Variants in GRXCR1 observed in about 807,000 individuals in gnomAD.
The protein encoded by GRXCR1 is glutaredoxin and cysteine rich domain containing 1.
Under a neutral mutation model 27.3 loss-of-function variants are expected in GRXCR1, and 27 were observed. The ratio of observed to expected loss-of-function variants is 0.99; its 90% CI spans 0.73 to 1.37. The LOEUF is 1.37. Ranked by LOEUF, GRXCR1 falls within the 40% of genes most tolerant of loss-of-function variation. GRXCR1 has a pLI of 0.00. For synonymous variants in GRXCR1, 122 were observed against 131.1 expected (o/e 0.93, Z 0.47); for missense variants, 379 against 354.4 (o/e 1.07, Z -0.56).
chr4:42,922,787 A>G (rs759195381), intron 1 of GRXCR1, among the ~76,000 whole-genome samples: 23 of 152,054 alleles, frequency 1.5e-4, no homozygotes, highest in South Asian at 1.5e-3. Context: ...ATACCCCTTC[A>G]TGGCCTTTTG....
At chr4:42,911,601 G>C (rs575204524) in intron 1 of GRXCR1, among the ~76,000 whole-genome samples, 1 of 152,074 alleles carries the variant, frequency 6.6e-6, no homozygotes, top group South Asian at 2.1e-4. Context: ...GCAGCAGATA[G>C]GACTTTAATT....
At chr4:42,911,447 G>T (rs759322075) in intron 1 of GRXCR1, among the ~76,000 whole-genome samples, 1 of 152,020 alleles carries the variant, frequency 6.6e-6, no homozygotes, top group Non-Finnish European at 1.5e-5. Flanking sequence ...CGATGAATAA[G>T]AATAAAAGGG....
rs1402616536 is a variant in GRXCR1 at position 42,913,156 on chromosome 4, A to G, written c.384+19506A>G. ...AGCAGGGCAAGACTGAACTAATACA[A>G]TAAATCAGTACCAGGAGTGGGGCAC... On this transcript the variant is annotated intron_variant, in intron 1 of 3. Transcript: ENST00000399770. Among the ~76,000 whole-genome samples, 3 of 152,326 alleles carry G rather than the reference A, an allele frequency of 2.0e-5. No homozygotes were observed. In the East Asian group the frequency reaches 5.8e-4, roughly 29 times the overall value.
At chr4:42,907,346 A>T (rs1223267736) in intron 1 of GRXCR1, among the ~76,000 whole-genome samples, 2 of 152,208 alleles carry the variant, frequency 1.3e-5, no homozygotes. Context: ...ATCCAAGCAC[A>T]GCCTTGTCAC....
intron 3 of GRXCR1, among the ~76,000 whole-genome samples, chr4:43,026,651 A>G (rs1271434132): frequency 6.6e-6 from 1 of 152,208 alleles, no homozygotes; most frequent in Non-Finnish European, 1.5e-5. Context: ...AAACATTGAA[A>G]ACTACTATCA....
chr4:42,957,366 T>C (rs1387327095), intron 1 of GRXCR1, among the ~76,000 whole-genome samples: 1 of 152,104 alleles, frequency 6.6e-6, no homozygotes, highest in Non-Finnish European at 1.5e-5. Context: ...TGCTCACCAT[T>C]ATACACCTAG....
At chr4:42,993,131 T>C (rs911477522) in intron 2 of GRXCR1, among the ~76,000 whole-genome samples, 19 of 152,204 alleles carry the variant, frequency 1.2e-4, no homozygotes, top group African/African-American at 4.6e-4. Flanking sequence ...TATTTCTTCC[T>C]TCCATCCAAG....
chr4:42,926,749 T>C (rs1482515006), intron 1 of GRXCR1, among the ~76,000 whole-genome samples: 1 of 152,064 alleles, frequency 6.6e-6, no homozygotes, highest in African/African-American at 2.4e-5. Flanking sequence ...TGAAGATGTC[T>C]TTCATTAATT....
At chr4:42,902,702 G>T (rs573418645) in intron 1 of GRXCR1, among the ~76,000 whole-genome samples, 128 of 152,250 alleles carry the variant, frequency 8.4e-4, no homozygotes, top group African/African-American at 2.8e-3. Flanking sequence ...TGGTGGGAGG[G>T]AGAGCTTCAG....
chr4:43,001,010 T>A (rs1048759939), intron 2 of GRXCR1, among the ~76,000 whole-genome samples: 3 of 151,984 alleles, frequency 2.0e-5, no homozygotes, highest in African/African-American at 7.3e-5. Flanking sequence ...CACTGCAACC[T>A]CTACCTCCCG....
intron 2 of GRXCR1, among the ~76,000 whole-genome samples, chr4:42,985,552 G>A (rs1241605879): frequency 6.6e-6 from 1 of 151,842 alleles, no homozygotes; most frequent in Non-Finnish European, 1.5e-5. Context: ...GATAATAAAC[G>A]CTCTATTTCT....
chr4:42,985,065 A>C (rs1711663171), intron 2 of GRXCR1, among the ~76,000 whole-genome samples: 1 of 152,150 alleles, frequency 6.6e-6, no homozygotes, highest in Non-Finnish European at 1.5e-5. Context: ...CTGGGGTTCA[A>C]GGAGGGGTGA....
At chr4:43,018,317 T>G (rs1712994534) in intron 2 of GRXCR1, among the ~76,000 whole-genome samples, 1 of 152,206 alleles carries the variant, frequency 6.6e-6, no homozygotes, top group Admixed American at 6.5e-5. Flanking sequence ...TTCAGCTGCC[T>G]GTCCTCTGTT....
intron 2 of GRXCR1, among the ~76,000 whole-genome samples, chr4:42,964,912 T>C (rs1748203517): frequency 6.6e-6 from 1 of 152,068 alleles, no homozygotes; most frequent in African/African-American, 2.4e-5. Context: ...GTAAGGGCTA[T>C]GAACATTTCC....
intron 1 of GRXCR1, among the ~76,000 whole-genome samples, chr4:42,951,010 AG>A (rs1470459991): frequency 6.6e-6 from 1 of 152,188 alleles, no homozygotes; most frequent in African/African-American, 2.4e-5. Flanking sequence ...GAGGCTAAGA[AG>A]CCCTACAACC....
chr4:43,006,459 C>T (rs1310008752), intron 2 of GRXCR1, among the ~76,000 whole-genome samples: 1 of 152,126 alleles, frequency 6.6e-6, no homozygotes, highest in Non-Finnish European at 1.5e-5. Flanking sequence ...GAGATATAGG[C>T]TTATAAACAG....
intron 2 of GRXCR1, among the ~76,000 whole-genome samples, chr4:42,985,263 T>A (rs1252788340): frequency 6.6e-6 from 1 of 152,216 alleles, no homozygotes. Flanking sequence ...AAATTAAATG[T>A]AAACCACTAA....
intron 1 of GRXCR1, among the ~76,000 whole-genome samples, chr4:42,949,381 T>G (rs1416806715): frequency 7.0e-6 from 1 of 142,930 alleles, no homozygotes; most frequent in Admixed American, 7.1e-5. Context: ...AAAAAACAAC[T>G]TTAAAATTCA....
chr4:42,963,200 C>A (rs1187463918), intron 2 of GRXCR1, 66 bp downstream of exon 2: 2 of 1,563,100 alleles, frequency 1.3e-6, no homozygotes, highest in African/African-American at 1.4e-5. Context: ...AATCTATAAC[C>A]ATCTATACAT....
Sources: allele counts gnomAD v4.1 joint callset (sites outside exome capture counted in the v4.1 genomes callset), GRCh38; gene constraint gnomAD v4.1.1; transcripts MANE v1.5; gene names NCBI Gene and HGNC (gene_info 2026-07-23, HGNC 2026-07-21).